CPA6: variants seen among roughly 807,000 people sequenced by gnomAD.
CPA6 encodes carboxypeptidase A6.
Under a neutral mutation model 63.3 loss-of-function variants are expected in CPA6, and 58 were observed. That is an observed-to-expected ratio of 0.92 (90% CI 0.74 to 1.14). The LOEUF (loss-of-function observed/expected upper bound fraction) is 1.14. Among genes scored for constraint, CPA6 ranks in the 50% most tolerant of loss-of-function variants. The pLI, the probability that CPA6 is intolerant of heterozygous loss-of-function variation, is 0.00. For missense variants in CPA6, 565 were observed against 526.6 expected (o/e 1.07, Z -0.71); for synonymous variants, 185 against 179.0 (o/e 1.03, Z -0.27).
intron 1 of CPA6, among the ~76,000 whole-genome samples, chr8:67,631,529 A>C (rs569659190): frequency 6.6e-6 from 1 of 152,316 alleles, no homozygotes; most frequent in South Asian, 2.1e-4. Context: ...CAGCACCGTC[A>C]AAACGGACCA....
intron 2 of CPA6, among the ~76,000 whole-genome samples, chr8:67,614,854 A>G (rs1265856081): frequency 6.6e-6 from 1 of 152,094 alleles, no homozygotes; most frequent in Non-Finnish European, 1.5e-5. Context: ...TCCCAATTGG[A>G]TGTTCTTTCT....
intron 1 of CPA6, among the ~76,000 whole-genome samples, chr8:67,710,942 TA>T (rs1169369494): frequency 2.0e-5 from 3 of 152,028 alleles, no homozygotes; most frequent in African/African-American, 7.2e-5. Context: ...GTCTTAGTAA[TA>T]AAAAAAATAC....
intron 1 of CPA6, among the ~76,000 whole-genome samples, chr8:67,722,183 T>C (rs1359696558): frequency 3.9e-5 from 6 of 152,312 alleles, no homozygotes; most frequent in African/African-American, 1.4e-4. Context: ...TTGTCTAAGG[T>C]TTTTCTTTTA....
At chr8:67,591,548 CTCTTT>C (rs891448843) in intron 2 of CPA6, among the ~76,000 whole-genome samples, 1 of 152,088 alleles carries the variant, frequency 6.6e-6, no homozygotes, top group Non-Finnish European at 1.5e-5. Flanking sequence ...TGTTTGTATC[CTCTTT>C]TATTTCATTG....
intron 2 of CPA6, among the ~76,000 whole-genome samples, chr8:67,546,191 A>C (rs1027527813): frequency 2.0e-5 from 3 of 152,236 alleles, no homozygotes; most frequent in African/African-American, 7.2e-5. Context: ...GTACACAATT[A>C]TGATTACAAA....
rs1563983729 is a variant in CPA6, at chr8:67,518,021, G to A, written c.219C>T (p.Ile73=). The change falls in exon 3 of 11, where the codon ATC becomes ATT. Residue 73 remains isoleucine, a synonymous_variant. Transcript: ENST00000297770. ...TAACTGTTCCCTCTGATACATAGGA[G>A]ATACTGCTGGGCTGCCACAGGTCCA... The part of the protein sequence containing the change: ...LKVDLWQPSS[I]SYVSEGTVTD... The A allele has an allele frequency of 6.2e-7, 1 of 1,607,376 alleles. No individual in the cohort carries two copies. The highest frequency in any genetic ancestry group is 1.7e-5 in the Admixed American group (1 of 58,328).
chr8:67,686,728 C>G (rs1318408029), intron 1 of CPA6, among the ~76,000 whole-genome samples: 1 of 152,160 alleles, frequency 6.6e-6, no homozygotes, highest in Non-Finnish European at 1.5e-5. Context: ...AGTTAACAAG[C>G]TGAGGTTGTT....
At chr8:67,448,403 G>A (rs1389437781) in intron 8 of CPA6, among the ~76,000 whole-genome samples, 1 of 151,568 alleles carries the variant, frequency 6.6e-6, no homozygotes, top group African/African-American at 2.4e-5. Context: ...GGCTGAGGTG[G>A]GCAGATCACT....
At chr8:67,486,247 G>A (rs375798106) in intron 6 of CPA6, among the ~76,000 whole-genome samples, 2 of 152,180 alleles carry the variant, frequency 1.3e-5, no homozygotes, top group African/African-American at 2.4e-5. Context: ...GGTTGCTAAC[G>A]CAGTCATACA....
chr8:67,692,673 A>G (rs1394145024), intron 1 of CPA6, among the ~76,000 whole-genome samples: 3 of 152,244 alleles, frequency 2.0e-5, no homozygotes, highest in Admixed American at 1.3e-4. Flanking sequence ...AGAATCACAC[A>G]GAAGTGCTGC....
chr8:67,575,036 G>C (rs1813587750), intron 2 of CPA6, among the ~76,000 whole-genome samples: 1 of 151,900 alleles, frequency 6.6e-6, no homozygotes. Context: ...CAACTATATA[G>C]AAAGAAAACA....
intron 2 of CPA6, among the ~76,000 whole-genome samples, chr8:67,577,972 T>A (rs1416383616): frequency 3.9e-5 from 6 of 152,248 alleles, no homozygotes; most frequent in African/African-American, 1.4e-4. Context: ...ACATTGTCTA[T>A]AAAGAACCAA....
intron 1 of CPA6, among the ~76,000 whole-genome samples, chr8:67,722,540 C>T (rs151105066): frequency 5.0e-4 from 76 of 152,298 alleles, no homozygotes; most frequent in African/African-American, 1.7e-3. Flanking sequence ...ATGAGCATCA[C>T]AGTACCGAAC....
chr8:67,658,344 C>T (rs1314015690), intron 1 of CPA6, among the ~76,000 whole-genome samples: 5 of 152,152 alleles, frequency 3.3e-5, no homozygotes, highest in Admixed American at 1.3e-4. Context: ...TTCTTGTGCA[C>T]CTTGGTGTGC....
chr8:67,717,889 G>A (rs1365497860), intron 1 of CPA6, among the ~76,000 whole-genome samples: 4 of 152,148 alleles, frequency 2.6e-5, no homozygotes, highest in Non-Finnish European at 5.9e-5. Flanking sequence ...GAAGAGGCAA[G>A]GGCCTGATTG....
chr8:67,735,505 G>A (rs1191735830), intron 1 of CPA6: 2 of 152,102 alleles, frequency 1.3e-5, no homozygotes, highest in African/African-American at 4.8e-5. Context: ...TAATTCCTTA[G>A]GAAGATAGAA....
At chr8:67,587,507 T>C (rs1813976343) in intron 2 of CPA6, among the ~76,000 whole-genome samples, 2 of 151,912 alleles carry the variant, frequency 1.3e-5, no homozygotes, top group South Asian at 4.2e-4. Flanking sequence ...TAAGGTGGCC[T>C]TTTTTTTGGA....
At chr8:67,612,038 A>G (rs1015509053) in intron 2 of CPA6, among the ~76,000 whole-genome samples, 1 of 152,100 alleles carries the variant, frequency 6.6e-6, no homozygotes, top group Non-Finnish European at 1.5e-5. Flanking sequence ...TATATCAAAA[A>G]TTTTCTGTTC....
At chr8:67,716,244 A>G (rs1056448114) in intron 1 of CPA6, among the ~76,000 whole-genome samples, 5 of 151,844 alleles carry the variant, frequency 3.3e-5, no homozygotes, top group African/African-American at 1.2e-4. Flanking sequence ...GCTGGGTAAA[A>G]TGAGTCTGAG....
Sources: allele counts gnomAD v4.1 joint callset (sites outside exome capture counted in the v4.1 genomes callset), GRCh38; gene constraint gnomAD v4.1.1; transcripts MANE v1.5; gene names NCBI Gene and HGNC (gene_info 2026-07-23, HGNC 2026-07-21).